Variants in USP34 observed in about 807,000 individuals in gnomAD.
USP34 encodes the protein ubiquitin specific peptidase 34.
In USP34, 70 loss-of-function variants were observed where a neutral mutation model predicts 460.3. The ratio of observed to expected loss-of-function variants is 0.15; its 90% CI spans 0.13 to 0.19. USP34 has a LOEUF of 0.19. Among genes scored for constraint, USP34 ranks in the 10% least tolerant of loss-of-function variants. USP34 has a pLI of 1.00. For synonymous variants in USP34, 1,647 were observed against 1,405.3 expected, an observed-to-expected ratio of 1.17 and a Z score of -3.85; for missense variants, 3,985 against 4,236.2, an observed-to-expected ratio of 0.94 and a Z score of 1.65.
At chr2:61,312,631 T>C (rs1690630044) in intron 25 of USP34, among the ~76,000 whole-genome samples, 2 of 152,160 alleles carry the variant, frequency 1.3e-5, no homozygotes, top group African/African-American at 2.4e-5. Flanking sequence ...AAGAGTAACC[T>C]TAAAACAATG....
At chr2:61,443,468 G>T (rs1695023503) in intron 1 of USP34, among the ~76,000 whole-genome samples, 1 of 144,844 alleles carries the variant, frequency 6.9e-6, no homozygotes, top group East Asian at 2.0e-4. Context: ...TTTTTAAAAA[G>T]CTATCTTCCT....
chr2:61,421,486 A>G (rs1694354650), intron 1 of USP34, among the ~76,000 whole-genome samples: 1 of 152,224 alleles, frequency 6.6e-6, no homozygotes, highest in Non-Finnish European at 1.5e-5. Context: ...AATGGCTTTT[A>G]CCTTCTTTGG....
Position 61,227,175 on chromosome 2 carries a change from T to G in USP34, c.7487A>C (p.Glu2496Ala), listed in dbSNP as rs1438692267. The G allele has an allele frequency of 3.1e-6, 5 of 1,613,830 alleles. No homozygotes were observed. The highest frequency in any genetic ancestry group is 4.2e-6 in the Non-Finnish European group (5 of 1,179,866). The change falls in exon 62 of 80, where the codon GAG becomes GCG. Residue 2496 changes from glutamate (E) to alanine (A), a missense_variant. Coordinates refer to ENST00000398571, the MANE Select transcript of USP34 (RefSeq NM_014709.4). ...VLSEEEGEEE[E>A]EEEDILSLAE... ...CAGAGAGAGGATATCTTCTTCCTCC[T>G]CTTCTTCTTCCCCTTCTTCCTCTGA...
intron 59 of USP34, 137 bp from the exon 60 acceptor site, chr2:61,229,132 T>C (rs1472687169): frequency 2.0e-5 from 12 of 603,340 alleles, no homozygotes; most frequent in Admixed American, 1.5e-4. Context: ...TAAGTAGTTA[T>C]TGTGACTGGC....
intron 41 of USP34, among the ~76,000 whole-genome samples, chr2:61,268,243 A>T (rs919946446): frequency 6.6e-6 from 1 of 151,920 alleles, no homozygotes; most frequent in Non-Finnish European, 1.5e-5. Context: ...AAATATTGTA[A>T]ACTGGGCCGG....
chr2:61,354,138 A>T (rs747341088), intron 10 of USP34, among the ~76,000 whole-genome samples: 31 of 152,338 alleles, frequency 2.0e-4, no homozygotes, highest in South Asian at 8.3e-4. Context: ...GAAAGACATG[A>T]ATCTACAAAT....
In USP34 at chr2:61,343,808, G is replaced by A. The variant is rs779489507; in HGVS notation, c.2500+7C>T. On this transcript the variant is annotated splice_region_variant and intron_variant, in intron 16 of 79. Coordinates refer to ENST00000398571, the MANE Select transcript of USP34 (RefSeq NM_014709.4). ...GGTAATATATTTTACTTACTGTAGA[G>A]TCTTACCTTGACTAAGATGTTCATG... The A allele has an allele frequency of 1.3e-5, 21 of 1,611,634 alleles. No homozygotes were observed. Among genetic ancestry groups the A allele is most frequent in the Non-Finnish European group, 1.8e-5 (21 of 1,177,880 alleles).
Position 61,229,005 on chromosome 2 carries a change from A to C in USP34, c.7200-10T>G, listed in dbSNP as rs541224934. ...ATCCATATCATCTGACCTAAGAGAC[A>C]ATTAAATAGATCTTAGAGAATGTAT... On this transcript the variant is annotated splice_polypyrimidine_tract_variant and intron_variant, in intron 59 of 79. Transcript: ENST00000398571. 6.5e-7 allele frequency: 1 copy of C among 1,541,628 alleles called. No homozygotes were observed. The highest frequency in any genetic ancestry group is 2.3e-5 in the East Asian group (1 of 44,114).
chr2:61,262,130 T>TATATATATATAG (rs1349263790), intron 43 of USP34, among the ~76,000 whole-genome samples: 28 of 113,696 alleles, frequency 2.5e-4, no homozygotes, highest in African/African-American at 9.3e-4. Flanking sequence ...TATATATATA[T>TATATATATATAG]ATAGATAGAT....
At chr2:61,204,716 A>G in intron 72 of USP34, 115 bp from the exon 73 acceptor site, 3 of 772,458 alleles carry the variant, frequency 3.9e-6, no homozygotes, top group Non-Finnish European at 6.4e-6. Context: ...TGAGTCTAAA[A>G]CTAAGCTCCT....
At chr2:61,227,043 C>T (rs780233557) in intron 62 of USP34, 24 bp downstream of exon 62, 2 of 1,573,508 alleles carry the variant, frequency 1.3e-6, no homozygotes, top group Non-Finnish European at 1.7e-6. Context: ...ATGCTTTAAA[C>T]ATTTTAAATT....
At chr2:61,315,611 C>T (rs1356843201) in intron 23 of USP34, among the ~76,000 whole-genome samples, 1 of 151,952 alleles carries the variant, frequency 6.6e-6, no homozygotes, top group Non-Finnish European at 1.5e-5. Flanking sequence ...CCAACCTCAG[C>T]TGATCCACCC....
At chr2:61,390,394 G>A (rs574338905) in intron 5 of USP34, among the ~76,000 whole-genome samples, 36 of 152,310 alleles carry the variant, frequency 2.4e-4, no homozygotes, top group Admixed American at 2.1e-3. Flanking sequence ...ATGCCTCCAT[G>A]TTCTATTTCT....
At chr2:61,307,996 C>A (rs1022611479) in intron 27 of USP34, among the ~76,000 whole-genome samples, 1 of 152,038 alleles carries the variant, frequency 6.6e-6, no homozygotes, top group African/African-American at 2.4e-5. Context: ...CTGTGGTGAA[C>A]TGTGATTATG....
At chr2:61,265,304 T>C (rs1169448197) in intron 43 of USP34, 93 bp downstream of exon 43, 5 of 1,375,570 alleles carry the variant, frequency 3.6e-6, no homozygotes, top group Non-Finnish European at 3.0e-6. Context: ...CAAATTATTT[T>C]TTCAAACATT....
chr2:61,417,297 C>T, intron 2 of USP34: 1 of 780,606 alleles, frequency 1.3e-6, no homozygotes, highest in South Asian at 1.4e-5. Flanking sequence ...GCCGCATACA[C>T]TACCAAGGAA....
intron 33 of USP34, among the ~76,000 whole-genome samples, chr2:61,290,349 G>C (rs574167973): frequency 7.2e-5 from 11 of 152,020 alleles, no homozygotes; most frequent in Non-Finnish European, 1.5e-4. Context: ...ATTAATCCAA[G>C]AGATAAAAAC....
At chr2:61,418,215 G>T (rs1338273771) in intron 2 of USP34, among the ~76,000 whole-genome samples, 1 of 151,710 alleles carries the variant, frequency 6.6e-6, no homozygotes, top group African/African-American at 2.4e-5. Flanking sequence ...GAGTAGCTGG[G>T]ATTACTGGTA....
chr2:61,216,158 T>C (rs1236055451), intron 67 of USP34, among the ~76,000 whole-genome samples: 1 of 152,254 alleles, frequency 6.6e-6, no homozygotes, highest in Non-Finnish European at 1.5e-5. Context: ...TTTCTAGATA[T>C]TTCTTTACCT....
Sources: gnomAD v4.1 joint callset for allele counts (sites outside exome capture counted in the v4.1 genomes callset) on GRCh38, gnomAD v4.1.1 for gene constraint, MANE v1.5 for transcripts, NCBI Gene and HGNC (gene_info 2026-07-23, HGNC 2026-07-21) for gene names.